B3GALNT1: variants seen among roughly 807,000 people sequenced by gnomAD.
The protein encoded by B3GALNT1 is UDP-GalNAc:beta-1,3-N-acetylgalactosaminyltransferase 1.
B3GALNT1 carries 17 observed loss-of-function variants against 27.3 expected under a neutral mutation model. The ratio of observed to expected loss-of-function variants is 0.62; its 90% CI spans 0.43 to 0.94. B3GALNT1 has a LOEUF of 0.94. Ranked by LOEUF, B3GALNT1 falls within the 40% of genes least tolerant of loss-of-function variation. The pLI is 0.00. For synonymous variants in B3GALNT1, 141 were observed against 144.0 expected (o/e 0.98, Z 0.15); for missense variants, 347 against 390.0 (o/e 0.89, Z 0.93).
chr3:161,084,019 CG>C lies in B3GALNT1; in HGVS notation c.*1739del, dbSNP rs1406793114. ...GTTTACACCAGCATCTCCACAGACA[CG>C]TGAGTAATGCACTAGGCTATGACAT... On this transcript the variant is annotated 3_prime_UTR_variant, in exon 5 of 5. Transcript: ENST00000320474. 3.3e-5 allele frequency: 5 copies of C among 152,184 alleles called. No homozygotes were observed. Among genetic ancestry groups the C allele is most frequent in the Admixed American group, 2.6e-4 (4 of 15,274 alleles). The allele number at this position is 152,184 out of a possible 1,614,324, so 9.4% of individuals were successfully genotyped here. A position where few individuals can be genotyped will look rare whatever the true frequency, so the allele number is the denominator to read the frequency against.
At chr3:161,100,674 G>T (rs975710685) in intron 4 of B3GALNT1, among the ~76,000 whole-genome samples, 1 of 152,130 alleles carries the variant, frequency 6.6e-6, no homozygotes, top group African/African-American at 2.4e-5. Context: ...TTCTGGGTTT[G>T]GGCTGAGAAA....
intron 4 of B3GALNT1, among the ~76,000 whole-genome samples, chr3:161,094,013 G>GA (rs1241348691): frequency 1.3e-5 from 2 of 152,090 alleles, no homozygotes; most frequent in Non-Finnish European, 2.9e-5. Flanking sequence ...TGCAGCAGCT[G>GA]AAAAAACATC....
chr3:161,101,272 CAG>C (rs1731103696), intron 3 of B3GALNT1, 39 bp from the exon 4 acceptor site: 12 of 1,206,984 alleles, frequency 9.9e-6, no homozygotes, highest in Non-Finnish European at 1.3e-5. Flanking sequence ...GGCAGAACAG[CAG>C]CAAGACTGCC....
In B3GALNT1 at chr3:161,084,925, CAAATT is replaced by C. The variant is rs1720953574; in HGVS notation, c.*829_*833del. On this transcript the variant is annotated 3_prime_UTR_variant, in exon 5 of 5. Transcript: ENST00000320474. ...CTAATTTCCAGGTGGAAAAATGAGA[CAAATT>C]AAGTGACTTCTAAAAACACTAGGAA... 6.6e-6 allele frequency: 1 copy of C among 152,122 alleles called. No individual in the cohort carries two copies. The highest frequency in any genetic ancestry group is 2.4e-5 in the African/African-American group (1 of 41,412). The allele number at this position is 152,122 out of a possible 1,614,324, so 9.4% of individuals were successfully genotyped here.
intron 3 of B3GALNT1, 25 bp downstream of exon 3, chr3:161,103,402 A>C: frequency 3.6e-5 from 40 of 1,124,448 alleles, no homozygotes; most frequent in Non-Finnish European, 4.7e-5. Flanking sequence ...AGGATAATTT[A>C]TAAGTTAAAA....
rs1180846207 is a variant in B3GALNT1 at position 161,085,927 on chromosome 3, T to C, written c.828A>G (p.Leu276=). 1.9e-6 allele frequency: 3 copies of C among 1,610,392 alleles called. No homozygotes were observed. The highest frequency in any genetic ancestry group is 1.3e-5 in the African/African-American group (1 of 74,678). ...CTGGAATATGAATGTTCACTTTTAATAAATTCAAACAGATCCCGACATAAA... is the reference window on the plus strand; with the variant it reads ...CTGGAATATGAATGTTCACTTTTAACAAATTCAAACAGATCCCGACATAAA... ...EDVYVGICLN[L]LKVNIHIPED... The change falls in exon 5 of 5, where the codon TTA becomes TTG. Residue 276 remains leucine (L), a synonymous_variant. Coordinates refer to ENST00000320474, the MANE Select transcript of B3GALNT1 (RefSeq NM_003781.4).
intron 4 of B3GALNT1, among the ~76,000 whole-genome samples, chr3:161,089,487 C>A (rs141765701): frequency 6.6e-6 from 1 of 152,138 alleles, no homozygotes; most frequent in African/African-American, 2.4e-5. Flanking sequence ...TATATTTTAA[C>A]AAAGAGATAT....
At chr3:161,093,833 A>G (rs979623428) in intron 4 of B3GALNT1, among the ~76,000 whole-genome samples, 14 of 147,750 alleles carry the variant, frequency 9.5e-5, no homozygotes, top group Non-Finnish European at 1.5e-4. Flanking sequence ...CCCCATAGAT[A>G]AAAAAAAAAA....
intron 4 of B3GALNT1, among the ~76,000 whole-genome samples, chr3:161,099,776 A>G (rs960874217): frequency 1.3e-5 from 2 of 152,042 alleles, no homozygotes; most frequent in Non-Finnish European, 2.9e-5. Context: ...CAGAAACTCT[A>G]CAAGTGAATA....
At chr3:161,100,400 C>T (rs34793753) in intron 4 of B3GALNT1, among the ~76,000 whole-genome samples, 179 of 152,260 alleles carry the variant, frequency 1.2e-3, no homozygotes, top group African/African-American at 4.0e-3. Flanking sequence ...GCCCTTGAAA[C>T]TCTGCTGGTT....
chr3:161,099,557 G>T (rs571178432), intron 4 of B3GALNT1, among the ~76,000 whole-genome samples: 1 of 152,332 alleles, frequency 6.6e-6, no homozygotes, highest in African/African-American at 2.4e-5. Flanking sequence ...AAGGATTCTA[G>T]TTCTGGCAGG....
chr3:161,099,809 AACACACAC>A (rs149223798), intron 4 of B3GALNT1, among the ~76,000 whole-genome samples: 51 of 149,008 alleles, frequency 3.4e-4, no homozygotes, highest in Non-Finnish European at 3.0e-5. Context: ...CCCCTTCTCT[AACACACAC>A]ACACACACAC....
chr3:161,099,532 G>A (rs1022478426), intron 4 of B3GALNT1, among the ~76,000 whole-genome samples: 6 of 152,148 alleles, frequency 3.9e-5, no homozygotes, highest in African/African-American at 1.4e-4. Flanking sequence ...AGGAATAACT[G>A]GGCAGTCAGG....
rs1235464192 is a variant in B3GALNT1 at position 161,085,206 on chromosome 3, A to G, written c.*553T>C. Reference sequence around the variant, plus strand: ...AAATCGTCAAAACATTTAAAAACACAAAGTTGAAGTAATTTTAAATAATAA... The same window carrying G: ...AAATCGTCAAAACATTTAAAAACACGAAGTTGAAGTAATTTTAAATAATAA... On this transcript the variant is annotated 3_prime_UTR_variant, in exon 5 of 5. Transcript: ENST00000320474. 1 of 152,582 alleles carries G rather than the reference A, an allele frequency of 6.6e-6. No individual in the cohort carries two copies. Among genetic ancestry groups the G allele is most frequent in the Non-Finnish European group, 1.5e-5 (1 of 68,314 alleles). The allele number at this position is 152,582 out of a possible 1,614,324, so 9.5% of individuals were successfully genotyped here.
At chr3:161,100,606 T>C (rs1205703480) in intron 4 of B3GALNT1, among the ~76,000 whole-genome samples, 2 of 152,180 alleles carry the variant, frequency 1.3e-5, no homozygotes, top group African/African-American at 2.4e-5. Context: ...AAACAATCCC[T>C]GTATATGGGA....
chr3:161,089,931 T>C (rs771014688), intron 4 of B3GALNT1: 5 of 182,044 alleles, frequency 2.7e-5, no homozygotes, highest in Non-Finnish European at 2.4e-5. Flanking sequence ...TAGCCAGGCA[T>C]GGTGGTGCGC....
At chr3:161,087,434 A>T (rs1722618125) in intron 4 of B3GALNT1, among the ~76,000 whole-genome samples, 1 of 152,194 alleles carries the variant, frequency 6.6e-6, no homozygotes, top group Non-Finnish European at 1.5e-5. Context: ...TGACTATGAA[A>T]CAGCTTTTAC....
chr3:161,092,880 C>T (rs758502284), intron 4 of B3GALNT1, among the ~76,000 whole-genome samples: 13 of 151,158 alleles, frequency 8.6e-5, no homozygotes, highest in South Asian at 2.1e-4. Context: ...CTGCCTCAGC[C>T]GCCTGAGTAG....
At chr3:161,104,749 G>GCGTTCGC (rs1192407787) in intron 1 of B3GALNT1, 6 of 181,760 alleles carry the variant, frequency 3.3e-5, no homozygotes, top group African/African-American at 1.2e-4. Context: ...CTCCGGGAAA[G>GCGTTCGC]CGTTCGCCGC....
Sources: allele counts gnomAD v4.1 joint callset (sites outside exome capture counted in the v4.1 genomes callset), GRCh38; gene constraint gnomAD v4.1.1; transcripts MANE v1.5; gene names NCBI Gene and HGNC (gene_info 2026-07-23, HGNC 2026-07-21).